The following PPP3CA variants were observed in gnomAD, a reference collection of about 807,000 sequenced individuals.
PPP3CA encodes the protein protein phosphatase 3 catalytic subunit alpha, also known as CAM-PRP catalytic subunit.
A neutral mutation model predicts 66.5 loss-of-function variants in PPP3CA; 14 were observed. That is an observed-to-expected ratio of 0.21 (90% CI 0.14 to 0.33). The LOEUF (loss-of-function observed/expected upper bound fraction) is 0.33. Ranked by LOEUF, PPP3CA falls within the 10% of genes least tolerant of loss-of-function variation. The pLI, the probability that PPP3CA is intolerant of heterozygous loss-of-function variation, is 1.00. For missense variants in PPP3CA, 317 were observed against 639.5 expected (o/e 0.50, Z 5.44); for synonymous variants, 232 against 226.2 (o/e 1.03, Z -0.23).
intron 1 of PPP3CA, among the ~76,000 whole-genome samples, chr4:101,255,022 A>G (rs1187924249): frequency 6.8e-6 from 1 of 147,894 alleles, no homozygotes; most frequent in African/African-American, 2.5e-5. Flanking sequence ...CATAAGAAGC[A>G]TGAGTCCCGT....
chr4:101,295,662 A>C (rs1196236016), intron 1 of PPP3CA, among the ~76,000 whole-genome samples: 2 of 152,188 alleles, frequency 1.3e-5, no homozygotes, highest in Non-Finnish European at 1.5e-5. Context: ...TCTCTTTGGG[A>C]TTTAAATTAC....
chr4:101,293,140 A>T (rs764252242), intron 1 of PPP3CA, among the ~76,000 whole-genome samples: 1 of 152,210 alleles, frequency 6.6e-6, no homozygotes, highest in Non-Finnish European at 1.5e-5. Flanking sequence ...AATGTGGTCA[A>T]TGGGCAAGTG....
chr4:101,287,300 T>C (rs1727874234), intron 1 of PPP3CA, among the ~76,000 whole-genome samples: 1 of 152,152 alleles, frequency 6.6e-6, no homozygotes, highest in Non-Finnish European at 1.5e-5. Context: ...TAATTATACA[T>C]ACTTAAGCAT....
At chr4:101,323,601 T>C (rs975357523) in intron 1 of PPP3CA, among the ~76,000 whole-genome samples, 11 of 152,242 alleles carry the variant, frequency 7.2e-5, no homozygotes, top group African/African-American at 2.7e-4. Context: ...ATCTCTCAGA[T>C]GTTGAAACCA....
intron 1 of PPP3CA, among the ~76,000 whole-genome samples, chr4:101,287,939 C>G (rs1727896769): frequency 6.6e-6 from 1 of 151,216 alleles, no homozygotes. Flanking sequence ...CCTGCTGCAT[C>G]ATACCATTTT....
At chr4:101,174,741 T>C (rs1421362659) in intron 2 of PPP3CA, among the ~76,000 whole-genome samples, 2 of 151,882 alleles carry the variant, frequency 1.3e-5, no homozygotes, top group Non-Finnish European at 2.9e-5. Flanking sequence ...CCAAGAATAG[T>C]GAGATAGGGA....
At chr4:101,059,326 T>C (rs111773241) in intron 10 of PPP3CA, among the ~76,000 whole-genome samples, 2,334 of 152,252 alleles carry the variant, frequency 0.015, 58 homozygotes, top group African/African-American at 0.052. Context: ...TAAAGTTGTT[T>C]TTTAAATATA....
intron 1 of PPP3CA, among the ~76,000 whole-genome samples, chr4:101,248,035 C>A (rs1039304401): frequency 1.3e-5 from 2 of 152,020 alleles, no homozygotes; most frequent in Admixed American, 6.6e-5. Flanking sequence ...TAAATGGTAA[C>A]GGAAAGGAGC....
chr4:101,146,534 C>T (rs1722975144), intron 2 of PPP3CA, among the ~76,000 whole-genome samples: 1 of 152,026 alleles, frequency 6.6e-6, no homozygotes, highest in Non-Finnish European at 1.5e-5. Flanking sequence ...CCTCCGCCTC[C>T]TGGGTTCAAG....
At chr4:101,109,573 A>C (rs574271137) in intron 2 of PPP3CA, among the ~76,000 whole-genome samples, 1 of 150,176 alleles carries the variant, frequency 6.7e-6, no homozygotes, top group African/African-American at 2.4e-5. Context: ...AGAAATGTAG[A>C]TATGTATCAT....
intron 2 of PPP3CA, among the ~76,000 whole-genome samples, chr4:101,178,986 A>G (rs1724151339): frequency 6.6e-6 from 1 of 152,046 alleles, no homozygotes. Context: ...CTAACTCTCA[A>G]TGATTCTTAT....
At chr4:101,154,004 C>A (rs868001814) in intron 2 of PPP3CA, among the ~76,000 whole-genome samples, 1 of 152,028 alleles carries the variant, frequency 6.6e-6, no homozygotes, top group Non-Finnish European at 1.5e-5. Flanking sequence ...AAGCCCATGG[C>A]CACTTTTAAA....
intron 1 of PPP3CA, among the ~76,000 whole-genome samples, chr4:101,245,380 G>A (rs570681284): frequency 6.6e-6 from 1 of 152,066 alleles, no homozygotes; most frequent in Non-Finnish European, 1.5e-5. Context: ...TTTTTATCCC[G>A]AAGAGTACAA....
intron 2 of PPP3CA, among the ~76,000 whole-genome samples, chr4:101,152,406 T>C (rs1409471767): frequency 2.6e-5 from 4 of 152,336 alleles, no homozygotes; most frequent in Non-Finnish European, 5.9e-5. Context: ...TTGAAAAAGA[T>C]TTTTCTTTTT....
intron 7 of PPP3CA, 106 bp downstream of exon 7, chr4:101,083,080 T>G: frequency 1.3e-6 from 1 of 777,936 alleles, no homozygotes; most frequent in Non-Finnish European, 1.9e-6. Flanking sequence ...TCTAATTCCT[T>G]TTGGGAGTGA....
At chr4:101,047,534 G>C (rs1267133592) in intron 10 of PPP3CA, among the ~76,000 whole-genome samples, 1 of 152,036 alleles carries the variant, frequency 6.6e-6, no homozygotes. Flanking sequence ...TTGATATTTA[G>C]AAATCTTATA....
chr4:101,168,958 T>G (rs1723783707), intron 2 of PPP3CA, among the ~76,000 whole-genome samples: 1 of 152,212 alleles, frequency 6.6e-6, no homozygotes, highest in Non-Finnish European at 1.5e-5. Flanking sequence ...TTTATAATTC[T>G]ATCTTCCCCT....
intron 2 of PPP3CA, among the ~76,000 whole-genome samples, chr4:101,159,831 C>T (rs183886639): frequency 4.5e-4 from 68 of 152,102 alleles, no homozygotes; most frequent in Non-Finnish European, 7.6e-4. Flanking sequence ...TATCAACCAG[C>T]GCTGCCTTTT....
At chr4:101,124,683 AAG>A (rs1722145659) in intron 2 of PPP3CA, among the ~76,000 whole-genome samples, 1 of 85,100 alleles carries the variant, frequency 1.2e-5, no homozygotes, top group Non-Finnish European at 2.2e-5. Flanking sequence ...GAAAGAAAGA[AAG>A]AAAGAAAGAA....
Sources: allele counts gnomAD v4.1 joint callset (sites outside exome capture counted in the v4.1 genomes callset), GRCh38; gene constraint gnomAD v4.1.1; transcripts MANE v1.5; gene names NCBI Gene and HGNC (gene_info 2026-07-23, HGNC 2026-07-21).